PTPN2: variants seen among roughly 807,000 people sequenced by gnomAD.
The protein encoded by PTPN2 is tyrosine-protein phosphatase non-receptor type 2.
Under a neutral mutation model 57.3 loss-of-function variants are expected in PTPN2, and 19 were observed. That is an observed-to-expected ratio of 0.33 (90% CI 0.23 to 0.49). The LOEUF (loss-of-function observed/expected upper bound fraction) is 0.49. Among genes scored for constraint, PTPN2 ranks in the 20% least tolerant of loss-of-function variants. The pLI is 0.99. For synonymous variants in PTPN2, 153 were observed against 164.9 expected, an observed-to-expected ratio of 0.93 and a Z score of 0.55; for missense variants, 358 against 501.1, an observed-to-expected ratio of 0.71 and a Z score of 2.73.
At chr18:12,873,680 C>T (rs2044357395) in intron 1 of PTPN2, among the ~76,000 whole-genome samples, 1 of 152,220 alleles carries the variant, frequency 6.6e-6, no homozygotes, top group African/African-American at 2.4e-5. Flanking sequence ...TCCCAAAGTG[C>T]CCAGAGTGCA....
At chr18:12,875,841 A>G (rs1195116349) in intron 1 of PTPN2, among the ~76,000 whole-genome samples, 1 of 152,162 alleles carries the variant, frequency 6.6e-6, no homozygotes, top group African/African-American at 2.4e-5. Flanking sequence ...ACAGCAGGGG[A>G]CTGAGAGAGC....
chr18:12,828,902 A>C (rs2042569553), intron 4 of PTPN2, among the ~76,000 whole-genome samples: 1 of 152,008 alleles, frequency 6.6e-6, no homozygotes, highest in Non-Finnish European at 1.5e-5. Context: ...ACAGCAAAAA[A>C]AATTTTTTTT....
intron 1 of PTPN2, among the ~76,000 whole-genome samples, chr18:12,882,960 A>G (rs2044710863): frequency 6.6e-6 from 1 of 152,256 alleles, no homozygotes. Context: ...CGAAGGGGAA[A>G]GCAGTTACAT....
Position 12,817,221 on chromosome 18 carries a change from T to A in PTPN2, c.640A>T (p.Ile214Phe), listed in dbSNP as rs1324789871. The change falls in exon 6 of 9, where the codon ATC becomes TTC. Residue 214 changes from isoleucine to phenylalanine, a missense_variant. Physicochemically the swap from Ile to Phe is conservative, Grantham distance 21 (BLOSUM62 0). Transcript: ENST00000309660. The stretch of plus-strand genomic sequence containing the variant: ...CGCCCAATGCCTGCACTACAGTGGA[T>A]CACCGCAGGCCCATGGTCAGGGTTC... ...SLNPDHGPAV[I>F]HCSAGIGRSG... The A allele has an allele frequency of 6.2e-7, 1 of 1,614,008 alleles. No homozygotes were observed. Among genetic ancestry groups the A allele is most frequent in the Non-Finnish European group, 8.5e-7 (1 of 1,180,024 alleles).
At chr18:12,804,586 G>T (rs1322067980) in intron 7 of PTPN2, among the ~76,000 whole-genome samples, 2 of 151,644 alleles carry the variant, frequency 1.3e-5, no homozygotes. Flanking sequence ...ACAAAGTATT[G>T]TAAGAGACTA....
chr18:12,828,155 A>AT (rs879481720), intron 4 of PTPN2, among the ~76,000 whole-genome samples: 4 of 152,232 alleles, frequency 2.6e-5, no homozygotes, highest in African/African-American at 4.8e-5. Context: ...TGAGCCAAGG[A>AT]TTTTATATCC....
At chr18:12,788,452 T>TA (rs1816873833), downstream of PTPN2, among the ~76,000 whole-genome samples, 2 of 148,504 alleles carry the variant, frequency 1.3e-5, no homozygotes, top group African/African-American at 5.0e-5. Context: ...TTTTTTTTTT[T>TA]AAATAGAGTG....
At position 12,878,595 on chromosome 18, in the gene PTPN2, G is replaced by A. The variant is rs1270882163; in HGVS notation, c.69+5478C>T. Among the ~76,000 whole-genome samples, 6 of 151,700 alleles carry A rather than the reference G, an allele frequency of 4.0e-5. No homozygotes were observed. The South Asian group carries it at 6.2e-4, about 16-fold the overall frequency. On this transcript the variant is annotated intron_variant, in intron 1 of 8. Coordinates refer to ENST00000309660, the MANE Select transcript of PTPN2 (RefSeq NM_002828.4). ...TGAGGCAGTAGAACTGCTTGAACCT[G>A]GGGGGAGCAGAGGTTGCAGTGAGCT...
At chr18:12,804,315 AG>A (rs2041549793) in intron 7 of PTPN2, among the ~76,000 whole-genome samples, 2 of 151,184 alleles carry the variant, frequency 1.3e-5, no homozygotes, top group African/African-American at 4.8e-5. Context: ...AAAAAGAAAA[AG>A]AAAGTTCTCA....
At chr18:12,790,811 C>T (rs1011853293), downstream of PTPN2, among the ~76,000 whole-genome samples, 1 of 152,212 alleles carries the variant, frequency 6.6e-6, no homozygotes, top group Non-Finnish European at 1.5e-5. Context: ...GTCAGAACCC[C>T]TTCTGCTGAC....
intron 2 of PTPN2, among the ~76,000 whole-genome samples, chr18:12,854,294 A>C (rs2043499721): frequency 7.0e-6 from 1 of 143,862 alleles, no homozygotes; most frequent in Non-Finnish European, 1.5e-5. Context: ...TGGGAGGCGG[A>C]GGTTGCAGTG....
At position 12,884,120 on chromosome 18, in the gene PTPN2, C is replaced by G. The variant is rs1337353757; in HGVS notation, c.22G>C (p.Glu8Gln). The G allele has an allele frequency of 1.3e-5, 20 of 1,588,478 alleles. No homozygotes were observed. Among genetic ancestry groups the G allele is most frequent in the Non-Finnish European group, 1.6e-5 (19 of 1,168,954 alleles). The change falls in exon 1 of 9, where the codon GAG (glutamate) becomes CAG (glutamine). Residue 8 changes from glutamate to glutamine, a missense_variant. Glu to Gln is a conservative substitution (Grantham distance 29). Transcript: ENST00000309660. MPTTIER[E>Q]FEELDTQRRW... Reference sequence around the variant, plus strand: ...CGCTGAGTATCCAACTCTTCGAACTCCCGCTCGATGGTGGTGGGCATGGCT... The same window carrying G: ...CGCTGAGTATCCAACTCTTCGAACTGCCGCTCGATGGTGGTGGGCATGGCT...
At chr18:12,790,652 T>G (rs527546241), downstream of PTPN2, among the ~76,000 whole-genome samples, 4 of 152,330 alleles carry the variant, frequency 2.6e-5, no homozygotes, top group East Asian at 7.7e-4. Flanking sequence ...TGCTTTGAAC[T>G]GACTGTTGAA....
intron 1 of PTPN2, among the ~76,000 whole-genome samples, chr18:12,879,030 A>G (rs1210604795): frequency 6.6e-6 from 1 of 152,210 alleles, no homozygotes; most frequent in Non-Finnish European, 1.5e-5. Context: ...GACAGCAATC[A>G]GCAGTGACAA....
intron 1 of PTPN2, among the ~76,000 whole-genome samples, chr18:12,868,845 T>TAACTTTAAA (rs2044087084): frequency 6.6e-6 from 1 of 150,774 alleles, no homozygotes; most frequent in African/African-American, 2.4e-5. Context: ...CAAAGGCTCA[T>TAACTTTAAA]ATTCTGAATT....
intron 2 of PTPN2, among the ~76,000 whole-genome samples, chr18:12,851,020 G>GT (rs2043377260): frequency 1.3e-5 from 2 of 152,080 alleles, no homozygotes; most frequent in African/African-American, 4.8e-5. Context: ...GATTACAGGC[G>GT]TGAGCCACAG....
At chr18:12,879,633 C>A (rs565874477) in intron 1 of PTPN2, among the ~76,000 whole-genome samples, 3 of 152,126 alleles carry the variant, frequency 2.0e-5, no homozygotes, top group Non-Finnish European at 4.4e-5. Context: ...TTCTAAGAAA[C>A]CTCCTATTAT....
chr18:12,845,724 T>C (rs1320502512), intron 2 of PTPN2, among the ~76,000 whole-genome samples: 1 of 152,240 alleles, frequency 6.6e-6, no homozygotes, highest in Non-Finnish European at 1.5e-5. Context: ...TTTATATGTA[T>C]TTTTAATTTG....
chr18:12,816,785 T>A (rs2145314813), intron 6 of PTPN2, among the ~76,000 whole-genome samples: 1 of 152,322 alleles, frequency 6.6e-6, no homozygotes, highest in East Asian at 1.9e-4. Flanking sequence ...ATGTCTATCA[T>A]TATCCCTAGT....
Sources: allele counts gnomAD v4.1 joint callset (sites outside exome capture counted in the v4.1 genomes callset), GRCh38; gene constraint gnomAD v4.1.1; transcripts MANE v1.5; gene names NCBI Gene and HGNC (gene_info 2026-07-23, HGNC 2026-07-21).